PNLIPRP3: variants seen among roughly 807,000 people sequenced by gnomAD.
PNLIPRP3 encodes the protein pancreatic lipase related protein 3.
A neutral mutation model predicts 52.8 loss-of-function variants in PNLIPRP3; 58 were observed. The ratio of observed to expected loss-of-function variants is 1.10; its 90% CI spans 0.89 to 1.37. The LOEUF (loss-of-function observed/expected upper bound fraction) is 1.37. PNLIPRP3 is among the 40% of genes most tolerant of loss of function. The pLI is 0.00. For synonymous variants in PNLIPRP3, 192 were observed against 185.0 expected (o/e 1.04, Z -0.31); for missense variants, 593 against 561.6 (o/e 1.06, Z -0.57).
At position 116,444,375 on chromosome 10, in the gene PNLIPRP3, G is replaced by A. The variant is rs774247413; in HGVS notation, c.325-7G>A. The A allele has an allele frequency of 2.5e-6, 4 of 1,598,846 alleles. No homozygotes were observed. Among genetic ancestry groups the A allele is most frequent in the Non-Finnish European group, 3.4e-6 (4 of 1,172,134 alleles). On this transcript the variant is annotated splice_region_variant and splice_polypyrimidine_tract_variant and intron_variant, in intron 3 of 11. Coordinates refer to ENST00000369230, the MANE Select transcript of PNLIPRP3 (RefSeq NM_001011709.3). Reference sequence around the variant, plus strand: ...TTATTTAATATTTATATAAATCTTTGTGCCAGGTGTTGCTACAGCTGGAAG... The same window carrying A: ...TTATTTAATATTTATATAAATCTTTATGCCAGGTGTTGCTACAGCTGGAAG...
intron 9 of PNLIPRP3, among the ~76,000 whole-genome samples, 174 bp downstream of exon 9, chr10:116,469,491 A>T (rs544778443): frequency 3.2e-4 from 48 of 152,368 alleles, no homozygotes; most frequent in Non-Finnish European, 5.0e-4. Flanking sequence ...AAAGACAGCA[A>T]GTAAAATCTC....
chr10:116,429,682 C>T (rs1027472142), intron 1 of PNLIPRP3, among the ~76,000 whole-genome samples: 1 of 152,132 alleles, frequency 6.6e-6, no homozygotes, highest in African/African-American at 2.4e-5. Context: ...CAGGACAGTC[C>T]TAATTGAGTG....
rs990687737 is a variant in PNLIPRP3, at chr10:116,436,861, A to G, written c.200A>G (p.Tyr67Cys). 1.9e-6 allele frequency: 3 copies of G among 1,584,584 alleles called. No individual in the cohort carries two copies. Among genetic ancestry groups the G allele is most frequent in the Admixed American group, 3.5e-5 (2 of 56,670 alleles). Residue 67 changes from tyrosine (Y) to cysteine (C), a missense_variant, in exon 2 of 12, where the codon TAT becomes TGT. Tyr to Cys is a radical substitution (Grantham distance 194). Transcript: ENST00000369230. ...LLYTIHNPNA[Y>C]QEISAVNSST... ...TACACTATACACAATCCCAATGCCTATCAGGTAAGCTAACTTGCAGCCTTC... is the reference window on the plus strand; with the variant it reads ...TACACTATACACAATCCCAATGCCTGTCAGGTAAGCTAACTTGCAGCCTTC...
At chr10:116,439,594 A>G (rs1318320099) in intron 2 of PNLIPRP3, 6 of 793,918 alleles carry the variant, frequency 7.6e-6, no homozygotes, top group South Asian at 1.4e-5. Flanking sequence ...TCCTTCTCAT[A>G]CTTTTTCAGC....
At chr10:116,463,195 C>T (rs1298852043) in intron 7 of PNLIPRP3, among the ~76,000 whole-genome samples, 1 of 124,650 alleles carries the variant, frequency 8.0e-6, no homozygotes, top group East Asian at 2.4e-4. Flanking sequence ...TGTAACAAAC[C>T]ACAGTGAACA....
chr10:116,476,704 A>C lies in PNLIPRP3; in HGVS notation c.1225A>C (p.Asn409His), dbSNP rs1750202999. The C allele has an allele frequency of 3.7e-6, 6 of 1,601,470 alleles. No individual in the cohort carries two copies. The highest frequency in any genetic ancestry group is 5.1e-6 in the Non-Finnish European group (6 of 1,176,416). Residue 409 changes from asparagine (N) to histidine (H), a missense_variant, in exon 11 of 12, where the codon AAC becomes CAC. Coordinates refer to ENST00000369230, the MANE Select transcript of PNLIPRP3 (RefSeq NM_001011709.3). The stretch of plus-strand genomic sequence containing the variant: ...CACAAAATTAATCGATGCAGATGTT[A>C]ACGTTGGAAACATTACAAGTGTTCA... ...TYTKLIDADV[N>H]VGNITSVQFI...
intron 4 of PNLIPRP3, among the ~76,000 whole-genome samples, chr10:116,455,256 A>G (rs1418922190): frequency 6.6e-6 from 1 of 152,216 alleles, no homozygotes; most frequent in Non-Finnish European, 1.5e-5. Context: ...GAGTTTGTGA[A>G]TATTCTTAAA....
At chr10:116,429,566 C>T (rs1845680969) in intron 1 of PNLIPRP3, among the ~76,000 whole-genome samples, 2 of 152,186 alleles carry the variant, frequency 1.3e-5, no homozygotes, top group South Asian at 4.2e-4. Flanking sequence ...TTTTTCAGTC[C>T]CTGGCCTCCA....
Position 116,444,522 on chromosome 10 carries a change from A to G in PNLIPRP3, c.456+9A>G, listed in dbSNP as rs1460974243. On this transcript the variant is annotated intron_variant, in intron 4 of 11. Transcript: ENST00000369230. ...TTATTGATGTTCTCATGGTAAGAAG[A>G]GTTGATTTTTTTTTAATTATATTGA... 1.2e-6 allele frequency: 2 copies of G among 1,604,624 alleles called. No individual in the cohort carries two copies. The highest frequency in any genetic ancestry group is 1.7e-6 in the Non-Finnish European group (2 of 1,177,022).
At chr10:116,439,853 T>C in intron 2 of PNLIPRP3, 1 of 781,092 alleles carries the variant, frequency 1.3e-6, no homozygotes, top group East Asian at 2.4e-5. Flanking sequence ...TTAATCACCT[T>C]TGCCATTTCA....
At chr10:116,469,515 C>T (rs1293483926) in intron 9 of PNLIPRP3, among the ~76,000 whole-genome samples, 198 bp downstream of exon 9, 6 of 152,118 alleles carry the variant, frequency 3.9e-5, no homozygotes, top group South Asian at 2.1e-4. Flanking sequence ...TCCAATCCTG[C>T]GTAATAAACT....
At chr10:116,473,614 C>T (rs993888379) in intron 10 of PNLIPRP3, among the ~76,000 whole-genome samples, 3 of 152,008 alleles carry the variant, frequency 2.0e-5, no homozygotes, top group Non-Finnish European at 2.9e-5. Context: ...TTCCCCTTCC[C>T]GGGTTCAAGT....
intron 10 of PNLIPRP3, among the ~76,000 whole-genome samples, chr10:116,473,800 C>G (rs1347423980): frequency 6.6e-6 from 1 of 152,050 alleles, no homozygotes; most frequent in Non-Finnish European, 1.5e-5. Flanking sequence ...GTATTATAGG[C>G]CTGAGCCACC....
At chr10:116,431,372 A>C (rs1436571761) in intron 1 of PNLIPRP3, among the ~76,000 whole-genome samples, 3 of 151,942 alleles carry the variant, frequency 2.0e-5, no homozygotes, top group African/African-American at 7.3e-5. Flanking sequence ...GCCCTCTGTT[A>C]CCTCCTAGCA....
At chr10:116,462,972 C>T (rs1436903182) in intron 7 of PNLIPRP3, among the ~76,000 whole-genome samples, 1 of 152,136 alleles carries the variant, frequency 6.6e-6, no homozygotes, top group Non-Finnish European at 1.5e-5. Context: ...AAATTTATTA[C>T]TAACAAACCA....
chr10:116,444,263 C>T, intron 3 of PNLIPRP3, 119 bp from the exon 4 acceptor site: 2 of 839,678 alleles, frequency 2.4e-6, no homozygotes, highest in South Asian at 4.7e-5. Flanking sequence ...TGGTCGGGGA[C>T]ACAAAGTCTA....
chr10:116,458,170 T>C (rs1034861777), intron 5 of PNLIPRP3, among the ~76,000 whole-genome samples: 2 of 152,228 alleles, frequency 1.3e-5, no homozygotes, highest in Non-Finnish European at 2.9e-5. Context: ...ATTCTGCTTT[T>C]ATTTATTTTT....
At chr10:116,473,948 CAAA>C (rs771490177) in intron 10 of PNLIPRP3, among the ~76,000 whole-genome samples, 4,153 of 103,278 alleles carry the variant, frequency 0.04, 203 homozygotes, top group African/African-American at 0.14. Context: ...CATATGGAAC[CAAA>C]AAAAAAAAAA....
intron 5 of PNLIPRP3, among the ~76,000 whole-genome samples, chr10:116,459,677 C>T (rs531451611): frequency 3.3e-5 from 5 of 152,326 alleles, no homozygotes; most frequent in South Asian, 2.1e-4. Context: ...ATCTGGAGGC[C>T]GTGTACTTCT....
Sources: gnomAD v4.1 joint callset for allele counts (sites outside exome capture counted in the v4.1 genomes callset) on GRCh38, gnomAD v4.1.1 for gene constraint, MANE v1.5 for transcripts, NCBI Gene and HGNC (gene_info 2026-07-23, HGNC 2026-07-21) for gene names.